CHFR: variants seen among roughly 807,000 people sequenced by gnomAD.
CHFR encodes the protein E3 ubiquitin-protein ligase CHFR.
CHFR carries 57 observed loss-of-function variants against 87.6 expected under a neutral mutation model. The ratio of observed to expected loss-of-function variants is 0.65; its 90% confidence interval spans 0.53 to 0.81. The LOEUF (loss-of-function observed/expected upper bound fraction) is 0.81, where lower values mean the gene tolerates loss of function less well. CHFR is among the 30% of genes least tolerant of loss of function. The probability of loss-of-function intolerance (pLI) is 0.00; values close to 1 mark genes in which losing one functional copy is unlikely to be tolerated. For synonymous variants in CHFR, 381 were observed against 359.2 expected (o/e 1.06, Z -0.69); for missense variants, 797 against 865.8 (o/e 0.92, Z 1.00).
intron 8 of CHFR, among the ~76,000 whole-genome samples, chr12:132,857,890 C>T (rs999958097): frequency 6.6e-6 from 1 of 152,218 alleles, no homozygotes; most frequent in African/African-American, 2.4e-5. Context: ...CTCCTACGTT[C>T]ATTCTATGCG....
intron 2 of CHFR, among the ~76,000 whole-genome samples, chr12:132,881,970 A>G (rs1035109251): frequency 6.6e-6 from 1 of 152,168 alleles, no homozygotes; most frequent in Admixed American, 6.5e-5. Context: ...AAAATGGACA[A>G]GCACATGGGA....
In CHFR at chr12:132,847,762, GGCGGC is replaced by G. The variant is rs1950859186; in HGVS notation, c.1647+318_1647+322del. ...AGAAAAGGCCCTGGTCTTGCTAAAGGGCGGCACCTTCAAGAAGCCCTCACCGAGAG... is the reference window on the plus strand; with the variant it reads ...AGAAAAGGCCCTGGTCTTGCTAAAGGACCTTCAAGAAGCCCTCACCGAGAG... On this transcript the variant is annotated intron_variant, in intron 14 of 17. Transcript: ENST00000450056. The G allele has an allele frequency of 4.2e-5, 52 of 1,231,036 alleles. No individual in the cohort carries two copies. The South Asian group carries it at 8.7e-4, about 21-fold the overall frequency. The allele number at this position is 1,231,036 out of a possible 1,614,324, so 76.3% of individuals were successfully genotyped here.
intron 6 of CHFR, among the ~76,000 whole-genome samples, chr12:132,868,424 C>T (rs373380601): frequency 3.9e-4 from 59 of 152,096 alleles, no homozygotes; most frequent in East Asian, 1.5e-3. Flanking sequence ...AGGAGAATGG[C>T]GTGGGAGGCG....
At chr12:132,852,230 C>T (rs552416302) in intron 11 of CHFR, among the ~76,000 whole-genome samples, 6 of 151,930 alleles carry the variant, frequency 3.9e-5, no homozygotes, top group Admixed American at 2.6e-4. Context: ...CCTTGTGATC[C>T]GCCCGCCTCG....
At chr12:132,866,843 C>A (rs1951356443) in intron 6 of CHFR, 1 of 152,228 alleles carries the variant, frequency 6.6e-6, no homozygotes, top group Non-Finnish European at 1.5e-5. Flanking sequence ...CTCCTGGTGA[C>A]CAGCCTGGCC....
At position 132,832,969 on chromosome 12, in the gene CHFR, T is replaced by C. The variant is rs1950626334; in HGVS notation, c.*8585A>G. On this transcript the variant is annotated 3_prime_UTR_variant, in exon 18 of 18. Transcript: ENST00000450056. ...TCTGTCTTTATGAATGTGCCTCTTC[T>C]GGACATTTCATAGAAATGGGATCAT... is the stretch of plus-strand genomic sequence containing the variant. 1 of 152,370 alleles carries C rather than the reference T, an allele frequency of 6.6e-6. No individual in the cohort carries two copies. Among genetic ancestry groups the C allele is most frequent in the African/African-American group, 2.4e-5 (1 of 41,576 alleles). 9.4% of individuals were successfully genotyped at this position (152,370 alleles called of 1,614,324 possible). A position where few individuals can be genotyped will look rare whatever the true frequency, so the allele number is the denominator to read the frequency against.
In CHFR at chr12:132,834,682, C is replaced by CTCCT. The variant is rs949678192; in HGVS notation, c.*6868_*6871dup. ...TCCCACCTCTTCTCTGTCACCAAGC[C>CTCCT]TCCTCTTCCTGCCTTTGACTTCTTG... is the stretch of plus-strand genomic sequence containing the variant. On this transcript the variant is annotated 3_prime_UTR_variant, in exon 18 of 18. Coordinates refer to ENST00000450056, the MANE Select transcript of CHFR (RefSeq NM_001161346.2). 1 of 152,536 alleles carries CTCCT rather than the reference C, an allele frequency of 6.6e-6. No individual in the cohort carries two copies. Among genetic ancestry groups the CTCCT allele is most frequent in the African/African-American group, 2.4e-5 (1 of 41,310 alleles). 9.4% of individuals were successfully genotyped at this position (152,536 alleles called of 1,614,324 possible).
At chr12:132,856,337 T>G (rs1951069997) in intron 10 of CHFR, 131 bp downstream of exon 10, 1 of 954,106 alleles carries the variant, frequency 1.0e-6, no homozygotes, top group East Asian at 2.4e-5. Context: ...TCAAGCCATT[T>G]AAGAGCTTGG....
intron 2 of CHFR, 121 bp from the exon 3 acceptor site, chr12:132,877,775 A>C: frequency 1.9e-6 from 1 of 523,194 alleles, no homozygotes; most frequent in Non-Finnish European, 3.3e-6. Context: ...ATGTAAAAAA[A>C]AACACTTGAC....
intron 3 of CHFR, among the ~76,000 whole-genome samples, chr12:132,873,441 T>C (rs573246819): frequency 6.6e-6 from 1 of 152,226 alleles, no homozygotes; most frequent in Admixed American, 6.5e-5. Flanking sequence ...AGATGCGGTT[T>C]TGAGCTGTGC....
chr12:132,877,084 C>T lies in CHFR; in HGVS notation c.233+471G>A, dbSNP rs904985634. The stretch of plus-strand genomic sequence containing the variant: ...TGCTGGGATTACAGGTGTGAGCCAC[C>T]GCGCCCGGGCTGATAATAATGTTTT... On this transcript the variant is annotated intron_variant, in intron 3 of 17. Transcript: ENST00000450056. 4.6e-5 allele frequency among the ~76,000 whole-genome samples: 7 copies of T among 152,120 alleles called. No homozygotes were observed. The East Asian group carries it at 5.8e-4, about 13-fold the overall frequency.
chr12:132,844,206 G>A, intron 15 of CHFR, 72 bp from the exon 16 acceptor site: 1 of 937,062 alleles, frequency 1.1e-6, no homozygotes, highest in South Asian at 1.4e-5. Flanking sequence ...CACAGCAGTG[G>A]GAGACTAACG....
intron 16 of CHFR, 81 bp downstream of exon 16, chr12:132,843,946 T>G (rs1593442211): frequency 1.2e-6 from 1 of 826,680 alleles, no homozygotes; most frequent in East Asian, 2.6e-5. Context: ...CGAAACTGTC[T>G]CAAAAAAAAA....
chr12:132,882,682 G>A (rs997008496), intron 2 of CHFR, among the ~76,000 whole-genome samples: 1 of 150,010 alleles, frequency 6.7e-6, no homozygotes, highest in East Asian at 1.9e-4. Context: ...TTGTAACAGA[G>A]GCGTCTCCAT....
At chr12:132,842,754 G>C (rs1346761107) in intron 17 of CHFR, among the ~76,000 whole-genome samples, 1 of 152,256 alleles carries the variant, frequency 6.6e-6, no homozygotes, top group Non-Finnish European at 1.5e-5. Context: ...GGCTAAGCCT[G>C]AAATGATGGG....
rs1482266243 is a variant in CHFR at position 132,843,174 on chromosome 12, C to T, written c.1844-91G>A. Reference sequence around the variant, plus strand: ...CCCAGCAGAGACCCAACGACAGACGCTGCGGTGGAAACGCACGGCCTCTGG... The same window carrying T: ...CCCAGCAGAGACCCAACGACAGACGTTGCGGTGGAAACGCACGGCCTCTGG... On this transcript the variant is annotated intron_variant, in intron 16 of 17. Coordinates refer to ENST00000450056, the MANE Select transcript of CHFR (RefSeq NM_001161346.2). 5 of 1,186,618 alleles carry T rather than the reference C, an allele frequency of 4.2e-6. No individual in the cohort carries two copies. The East Asian group carries it at 9.8e-5, about 23-fold the overall frequency. 73.5% of individuals were successfully genotyped at this position (1,186,618 alleles called of 1,614,324 possible).
chr12:132,881,724 C>T (rs12831415), intron 2 of CHFR, among the ~76,000 whole-genome samples: 41,434 of 151,850 alleles, frequency 0.27, 5,958 homozygotes, highest in Middle Eastern at 0.43. Context: ...AAAAATTAGC[C>T]GGGCATGGTG....
rs556395444 is a variant in CHFR, at chr12:132,840,183, T to C, written c.*1371A>G. The C allele has an allele frequency of 1.2e-4, 19 of 152,592 alleles. No individual in the cohort carries two copies. The highest frequency in any genetic ancestry group is 1.0e-3 in the South Asian group (5 of 4,922). 9.5% of individuals were successfully genotyped at this position (152,592 alleles called of 1,614,324 possible). A position where few individuals can be genotyped will look rare whatever the true frequency, so the allele number is the denominator to read the frequency against. On this transcript the variant is annotated 3_prime_UTR_variant, in exon 18 of 18. Coordinates refer to ENST00000450056, the MANE Select transcript of CHFR (RefSeq NM_001161346.2). Reference sequence around the variant, plus strand: ...ATGAACAGGTTGTGGCTTCCCAGCATTGGCAGAATGAAGAGACCTGAGCAG... The same window carrying C: ...ATGAACAGGTTGTGGCTTCCCAGCACTGGCAGAATGAAGAGACCTGAGCAG...
rs371541325 is a variant in CHFR at position 132,853,523 on chromosome 12, G to A, written c.1280C>T (p.Ala427Val). 59 of 1,530,778 alleles carry A rather than the reference G, an allele frequency of 3.9e-5. 1 individual carries two copies. The highest frequency in any genetic ancestry group is 8.5e-5 in the Admixed American group (4 of 47,042). 94.8% of individuals were successfully genotyped at this position (1,530,778 alleles called of 1,614,324 possible). A position where few individuals can be genotyped will look rare whatever the true frequency, so the allele number is the denominator to read the frequency against. Reference protein sequence around the residue: ...RQCPEYRRQAAQPPHCPAPEG... With the variant: ...RQCPEYRRQAVQPPHCPAPEG... Reference sequence around the variant, plus strand: ...GGGTGCTGGGCAGTGGGGAGGCTGCGCCGCCTGCCTTCTGTACTCAGGACA... The same window carrying A: ...GGGTGCTGGGCAGTGGGGAGGCTGCACCGCCTGCCTTCTGTACTCAGGACA... The change falls in exon 11 of 18, where the codon GCG becomes GTG. Residue 427 changes from alanine to valine, a missense_variant. Physicochemically the swap from Ala to Val is moderately conservative, Grantham distance 64. This residue lies in a region of CHFR where 597 missense variants were observed against 601.2 expected (regional missense o/e 0.99). Transcript: ENST00000450056.
Sources: gnomAD v4.1 joint callset for allele counts (sites outside exome capture counted in the v4.1 genomes callset) on GRCh38, gnomAD v4.1.1 for gene constraint, gnomAD v4.1.1 regional missense constraint, MANE v1.5 for transcripts, NCBI Gene and HGNC (gene_info 2026-07-23, HGNC 2026-07-21) for gene names.